OR2J1: variants seen among roughly 807,000 people sequenced by gnomAD.
OR2J1 encodes the protein olfactory receptor 2J1.
A neutral mutation model predicts 10.2 loss-of-function variants in OR2J1; 10 were observed. The ratio of observed to expected loss-of-function variants is 0.98; its 90% confidence interval spans 0.60 to 1.66. The LOEUF (loss-of-function observed/expected upper bound fraction) is 1.66, where lower values mean the gene tolerates loss of function less well. Among genes scored for constraint, OR2J1 ranks in the 40% most tolerant of loss-of-function variants. The pLI is 0.00. For missense variants in OR2J1, 317 were observed against 379.4 expected, an observed-to-expected ratio of 0.84 and a Z score of 1.37; for synonymous variants, 143 against 138.8, an observed-to-expected ratio of 1.03 and a Z score of -0.21.
In OR2J1 at chr6:29,102,026, T is replaced by C; in HGVS notation, c.*145T>C. The C allele has an allele frequency of 1.8e-6, 1 of 567,528 alleles. No homozygotes were observed. Among genetic ancestry groups the C allele is most frequent in the East Asian group, 2.8e-5 (1 of 35,576 alleles). The allele number at this position is 567,528 out of a possible 1,614,324, so 35.2% of individuals were successfully genotyped here. A position where few individuals can be genotyped will look rare whatever the true frequency, so the allele number is the denominator to read the frequency against. The stretch of plus-strand genomic sequence containing the variant: ...TTCCCCCATTTGTTGCTCTGTTTAA[T>C]ATTTAGTTCTGAAATATTATGTTGA... On this transcript the variant is annotated 3_prime_UTR_variant, in exon 2 of 2. Transcript: ENST00000641659.
Position 29,101,095 on chromosome 6 carries a change from C to A in OR2J1, c.153C>A (p.Tyr51Ter). The A allele has an allele frequency of 1.3e-6, 2 of 1,547,860 alleles. No homozygotes were observed. Among genetic ancestry groups the A allele is most frequent in the Non-Finnish European group, 1.8e-6 (2 of 1,119,642 alleles). ...ACCTGTTCATCATCATCCTGTCATA[C>A]CTGGACTCCCATCTCCACACTCCCA... ...IGNLFIIILSYLDSHLHTPMY... is the reference protein window; with the variant it reads ...IGNLFIIILS The change falls in exon 2 of 2, where the codon TAC becomes TAA. Residue 51 changes from tyrosine (Y) to a stop codon, truncating the protein, a stop_gained. Transcript: ENST00000641659. LOFTEE classifies it low-confidence loss of function (END_TRUNC).
chr6:29,100,855 T>C lies in OR2J1; in HGVS notation c.-88T>C, dbSNP rs1438315672. On this transcript the variant is annotated 5_prime_UTR_variant, in exon 2 of 2. Transcript: ENST00000641659. ...TATCTGGAATTGGGATACTTTTTTC[T>C]CCAATCTGTTTGCAAGTGAGCAGTT... 9.0e-6 allele frequency: 6 copies of C among 667,628 alleles called. No homozygotes were observed. The highest frequency in any genetic ancestry group is 1.6e-5 in the Non-Finnish European group (6 of 376,232). The allele number at this position is 667,628 out of a possible 1,614,324, so 41.4% of individuals were successfully genotyped here.
In OR2J1 at chr6:29,101,371, C is replaced by T. The variant is rs758370838; in HGVS notation, c.429C>T (p.Arg143=). 1.1e-5 allele frequency: 18 copies of T among 1,594,032 alleles called. No individual in the cohort carries two copies. The South Asian group carries it at 2.0e-4, about 18-fold the overall frequency. ...TCCTCATGCACCCTCGTTTCTGCCG[C>T]TTGTTGGCTGCGGCTTCTTGGGTAA... ...YTVLMHPRFC[R]LLAAASWVSG... The change falls in exon 2 of 2, where the codon CGC becomes CGT. Residue 143 remains arginine (R), a synonymous_variant. Transcript: ENST00000641659.
At chr6:29,100,288 C>G (rs1362925139) in intron 1 of OR2J1, among the ~76,000 whole-genome samples, 1 of 152,192 alleles carries the variant, frequency 6.6e-6, no homozygotes, top group African/African-American at 2.4e-5. Flanking sequence ...TATCTCTACT[C>G]TATTTCACTT....
chr6:29,101,051 T>G lies in OR2J1; in HGVS notation c.109T>G (p.Leu37Val). 1 of 1,523,656 alleles carries G rather than the reference T, an allele frequency of 6.6e-7. No individual in the cohort carries two copies. Among genetic ancestry groups the G allele is most frequent in the Non-Finnish European group, 9.1e-7 (1 of 1,097,750 alleles). 94.4% of individuals were successfully genotyped at this position (1,523,656 alleles called of 1,614,324 possible). The stretch of plus-strand genomic sequence containing the variant: ...CTTTGTGGTTATCTTGATCTTCTAC[T>G]TGATAACACTGATAGGAAACCTGTT... ...VLFVVILIFY[L>V]ITLIGNLFII... The change falls in exon 2 of 2, where the codon TTG becomes GTG. Residue 37 changes from leucine to valine, a missense_variant. Coordinates refer to ENST00000641659, the MANE Select transcript of OR2J1 (RefSeq NM_001348294.2).
rs777815704 is a variant in OR2J1 at position 29,101,584 on chromosome 6, C to G, written c.642C>G (p.Leu214=). Residue 214 remains leucine (L), a synonymous_variant, in exon 2 of 2, where the codon CTC becomes CTG. Transcript: ENST00000641659. ...TATTTGTTCTCATACCTCTCATCCT[C>G]ATCCTCACTTCCTATGGTGCCATTG... is the stretch of plus-strand genomic sequence containing the variant. ...SSIFVLIPLI[L]ILTSYGAIAR... 3 of 1,608,802 alleles carry G rather than the reference C, an allele frequency of 1.9e-6. No homozygotes were observed. Among genetic ancestry groups the G allele is most frequent in the Non-Finnish European group, 2.6e-6 (3 of 1,175,272 alleles).
chr6:29,102,363 TTA>T lies in OR2J1; in HGVS notation c.*486_*487del. 1 of 153,906 alleles carries T rather than the reference TTA, an allele frequency of 6.5e-6. No individual in the cohort carries two copies. Among genetic ancestry groups the T allele is most frequent in the Non-Finnish European group, 1.4e-5 (1 of 69,184 alleles). The allele number at this position is 153,906 out of a possible 1,614,324, so 9.5% of individuals were successfully genotyped here. On this transcript the variant is annotated 3_prime_UTR_variant, in exon 2 of 2. Transcript: ENST00000641659. ...TAAACATAATGAATAACACCATTTATTATATGGTAAAGGATATGTCATAATTT... is the reference window on the plus strand; with the variant it reads ...TAAACATAATGAATAACACCATTTATTATGGTAAAGGATATGTCATAATTT...
intron 1 of OR2J1, among the ~76,000 whole-genome samples, chr6:29,100,307 A>G (rs1468283229): frequency 6.6e-6 from 1 of 152,128 alleles, no homozygotes; most frequent in African/African-American, 2.4e-5. Context: ...TTTATTAATC[A>G]GCTTTGCTTA....
Position 29,099,596 on chromosome 6 carries a change from C to T in OR2J1, c.-446C>T, listed in dbSNP as rs1047249426. ...AGTTCAAGTATCTTACAGAATATTA[C>T]CTTTCAACCTAGCGAAATTTTTAAA... On this transcript the variant is annotated 5_prime_UTR_variant, in exon 1 of 2. Coordinates refer to ENST00000641659, the MANE Select transcript of OR2J1 (RefSeq NM_001348294.2). The T allele has an allele frequency of 2.0e-5, 3 of 152,106 alleles. No individual in the cohort carries two copies. The highest frequency in any genetic ancestry group is 6.6e-5 in the Admixed American group (1 of 15,262). The allele number at this position is 152,106 out of a possible 1,614,324, so 9.4% of individuals were successfully genotyped here.
Position 29,101,934 on chromosome 6 carries a change from G to A in OR2J1, c.*53G>A, listed in dbSNP as rs1684359483. On this transcript the variant is annotated 3_prime_UTR_variant, in exon 2 of 2. Transcript: ENST00000641659. ...TCCTAGGGTCTTATCCATTTTGAAA[G>A]GTTGTTTCCCTGCTTCTTTGTGATT... 1.4e-6 allele frequency: 1 copy of A among 737,966 alleles called. No homozygotes were observed. Among genetic ancestry groups the A allele is most frequent in the Non-Finnish European group, 2.3e-6 (1 of 430,886 alleles). The allele number at this position is 737,966 out of a possible 1,614,324, so 45.7% of individuals were successfully genotyped here.
chr6:29,100,530 A>G (rs1288544571), intron 1 of OR2J1: 1 of 155,428 alleles, frequency 6.4e-6, no homozygotes, highest in African/African-American at 2.4e-5. Context: ...GTTCCTATCT[A>G]TAAGTAAGAT....
chr6:29,101,644 G>A lies in OR2J1; in HGVS notation c.702G>A (p.Gly234=), dbSNP rs778401528. ...TACTGAGCATGCAATCAACCACTGG[G>A]CTTCAGAAAGTGCTTAGGACATGTG... is the stretch of plus-strand genomic sequence containing the variant. The part of the protein sequence containing the change: ...RAVLSMQSTT[G]LQKVLRTCGA... Residue 234 remains glycine (G), a synonymous_variant, in exon 2 of 2, where the codon GGG becomes GGA. Transcript: ENST00000641659. The A allele has an allele frequency of 1.6e-5, 26 of 1,613,142 alleles. No individual in the cohort carries two copies. The highest frequency in any genetic ancestry group is 2.0e-5 in the Non-Finnish European group (24 of 1,179,234).
rs1320145594 is a variant in OR2J1 at position 29,101,803 on chromosome 6, C to T, written c.861C>T (p.Asn287=). ...LFYTVVTPSL[N]PLIYTFRNKD... ...ACACTGTTGTCACACCTAGTCTTAACCCTCTAATCTACACTTTCAGAAACA... is the reference window on the plus strand; with the variant it reads ...ACACTGTTGTCACACCTAGTCTTAATCCTCTAATCTACACTTTCAGAAACA... The change falls in exon 2 of 2, where the codon AAC becomes AAT. Residue 287 remains asparagine (N), a synonymous_variant. Transcript: ENST00000641659. 6.3e-7 allele frequency: 1 copy of T among 1,597,692 alleles called. No homozygotes were observed. Among genetic ancestry groups the T allele is most frequent in the South Asian group, 1.1e-5 (1 of 90,730 alleles).
chr6:29,101,530 T>G lies in OR2J1; in HGVS notation c.588T>G (p.Asn196Lys). 1 of 1,567,472 alleles carries G rather than the reference T, an allele frequency of 6.4e-7. No homozygotes were observed. Among genetic ancestry groups the G allele is most frequent in the Non-Finnish European group, 8.8e-7 (1 of 1,137,160 alleles). Residue 196 changes from asparagine (N) to lysine (K), a missense_variant, in exon 2 of 2, where the codon AAT (asparagine) becomes AAG (lysine). Coordinates refer to ENST00000641659, the MANE Select transcript of OR2J1 (RefSeq NM_001348294.2). ...LRLSCVDTQA[N>K]ELTLMVMSSI... ...TATCATGTGTTGATACCCAGGCAAA[T>G]GAGCTGACCCTCATGGTCATGAGCT... is the stretch of plus-strand genomic sequence containing the variant.
Position 29,102,020 on chromosome 6 carries a change from G to T in OR2J1, c.*139G>T. The T allele has an allele frequency of 1.8e-6, 1 of 570,208 alleles. No homozygotes were observed. Among genetic ancestry groups the T allele is most frequent in the Non-Finnish European group, 3.1e-6 (1 of 322,180 alleles). The allele number at this position is 570,208 out of a possible 1,614,324, so 35.3% of individuals were successfully genotyped here. ...GTTCAGTTCCCCCATTTGTTGCTCT[G>T]TTTAATATTTAGTTCTGAAATATTA... On this transcript the variant is annotated 3_prime_UTR_variant, in exon 2 of 2. Transcript: ENST00000641659.
At position 29,099,749 on chromosome 6, in the gene OR2J1, C is replaced by T. The variant is rs1761479173; in HGVS notation, c.-293C>T. The T allele has an allele frequency of 6.6e-6, 1 of 152,190 alleles. No homozygotes were observed. 9.4% of individuals were successfully genotyped at this position (152,190 alleles called of 1,614,324 possible). The stretch of plus-strand genomic sequence containing the variant: ...CTGCACAGACTTGGCCCAAGTTCAA[C>T]GTTCCTAGCTCTCCAGCTGTAACTC... On this transcript the variant is annotated 5_prime_UTR_variant, in exon 1 of 2. In the 5' UTR this introduces an upstream ATG that the reference lacks. Transcript: ENST00000641659.
chr6:29,100,445 A>G (rs1051247703), intron 1 of OR2J1, among the ~76,000 whole-genome samples: 11 of 152,178 alleles, frequency 7.2e-5, no homozygotes, highest in Non-Finnish European at 2.9e-5. Flanking sequence ...TCTTTCTATA[A>G]TCATATCCAA....
intron 1 of OR2J1, among the ~76,000 whole-genome samples, chr6:29,100,306 C>T (rs1302354940): frequency 6.6e-6 from 1 of 152,178 alleles, no homozygotes; most frequent in African/African-American, 2.4e-5. Context: ...CTTTATTAAT[C>T]AGCTTTGCTT....
chr6:29,101,826 A>G lies in OR2J1; in HGVS notation c.884A>G (p.Asn295Ser), dbSNP rs1581898402. 1 of 1,563,234 alleles carries G rather than the reference A, an allele frequency of 6.4e-7. No individual in the cohort carries two copies. The highest frequency in any genetic ancestry group is 8.8e-7 in the Non-Finnish European group (1 of 1,133,668). The change falls in exon 2 of 2, where the codon AAC (asparagine) becomes AGC (serine). Residue 295 changes from asparagine (N) to serine (S), a missense_variant. Physicochemically the swap from Asn to Ser is conservative, Grantham distance 46 (BLOSUM62 1). Coordinates refer to ENST00000641659, the MANE Select transcript of OR2J1 (RefSeq NM_001348294.2). ...AACCCTCTAATCTACACTTTCAGAA[A>G]CAAGGATGTAAGAGGGGCAGTGAAG... The part of the protein sequence containing the change: ...SLNPLIYTFR[N>S]KDVRGAVKRL...
Sources: allele counts gnomAD v4.1 joint callset (sites outside exome capture counted in the v4.1 genomes callset), GRCh38; gene constraint gnomAD v4.1.1; transcripts MANE v1.5; gene names NCBI Gene and HGNC (gene_info 2026-07-23, HGNC 2026-07-21).